The following RTL4 variants were observed in gnomAD, a reference collection of about 807,000 sequenced individuals.
RTL4 encodes the protein retrotransposon Gag like 4, also known as retrotransposon Gag-like protein 4.
A neutral mutation model predicts 5.3 loss-of-function variants in RTL4; 4 were observed. That is an observed-to-expected ratio of 0.75 (90% confidence interval 0.37 to 1.72). RTL4 has a LOEUF of 1.72. Among genes scored for constraint, RTL4 ranks in the 40% most tolerant of loss-of-function variants. The pLI is 0.04. For missense variants in RTL4, 260 were observed against 227.1 expected, an observed-to-expected ratio of 1.14 and a Z score of -0.93; for synonymous variants, 98 against 87.3, an observed-to-expected ratio of 1.12 and a Z score of -0.68.
the RTL4 span, among the ~76,000 whole-genome samples, chrX:112,149,463 C>G: frequency 9.0e-6 from 1 of 110,890 alleles, no homozygotes. Context: ...GAGTAAAAGG[C>G]TGAAGGACAC....
the RTL4 span, among the ~76,000 whole-genome samples, chrX:112,231,615 A>C: frequency 9.4e-6 from 1 of 105,962 alleles, no homozygotes; most frequent in African/African-American, 3.4e-5. Context: ...AGATATACCT[A>C]CTGCTAAATG....
the RTL4 span, among the ~76,000 whole-genome samples, chrX:112,189,525 G>A: frequency 1.4e-4 from 15 of 111,053 alleles, no homozygotes; most frequent in African/African-American, 4.6e-4. Flanking sequence ...AGCTTTGGGA[G>A]GCCGAGGCAG....
the RTL4 span, among the ~76,000 whole-genome samples, chrX:112,152,058 T>C: frequency 2.7e-5 from 3 of 111,819 alleles, no homozygotes; most frequent in Admixed American, 9.5e-5. Flanking sequence ...AGGATAACGT[T>C]ATGATAACTT....
At chrX:112,201,327 C>A in the RTL4 span, among the ~76,000 whole-genome samples, 1 of 111,115 alleles carries the variant, frequency 9.0e-6, no homozygotes, top group Admixed American at 9.5e-5. Context: ...GGACACAAAG[C>A]CTAACCTTTT....
chrX:112,236,555 A>AATATAT, the RTL4 span, among the ~76,000 whole-genome samples: 4 of 99,763 alleles, frequency 4.0e-5, no homozygotes, highest in African/African-American at 1.5e-4. Context: ...AGTTTGAATG[A>AATATAT]ATATATATAT....
At chrX:112,413,835 TAA>T in the RTL4 span, among the ~76,000 whole-genome samples, 1 of 110,550 alleles carries the variant, frequency 9.0e-6, no homozygotes, top group Non-Finnish European at 1.9e-5. Flanking sequence ...TTTAAATAAC[TAA>T]AAGAGTAGAA....
At chrX:112,158,652 A>G in the RTL4 span, among the ~76,000 whole-genome samples, 1 of 111,218 alleles carries the variant, frequency 9.0e-6, no homozygotes, top group Non-Finnish European at 1.9e-5. Context: ...TGCCTCTATA[A>G]CATTTTCAAT....
At chrX:112,308,522 G>A in the RTL4 span, among the ~76,000 whole-genome samples, 1 of 111,477 alleles carries the variant, frequency 9.0e-6, no homozygotes, top group Middle Eastern at 4.6e-3. Flanking sequence ...TAAAAGGATG[G>A]TAGTCAGGGA....
At chrX:112,135,800 A>C in the RTL4 span, among the ~76,000 whole-genome samples, 2 of 109,510 alleles carry the variant, frequency 1.8e-5, no homozygotes, top group East Asian at 5.6e-4. Context: ...ACTCTTTGCC[A>C]AAAATTAATT....
At chrX:112,142,275 G>A in the RTL4 span, among the ~76,000 whole-genome samples, 3 of 112,580 alleles carry the variant, frequency 2.7e-5, no homozygotes, top group East Asian at 8.4e-4. Context: ...AGCAGAGAAG[G>A]ATAGGGCAGA....
At chrX:112,374,687 A>T in the RTL4 span, among the ~76,000 whole-genome samples, 10 of 112,184 alleles carry the variant, frequency 8.9e-5, no homozygotes, top group African/African-American at 3.2e-4. Flanking sequence ...TTTTCTGTGT[A>T]GACACCTTGC....
chrX:112,129,592 A>G, the RTL4 span, among the ~76,000 whole-genome samples: 1,383 of 112,345 alleles, frequency 0.012, 23 homozygotes, highest in African/African-American at 0.042. Flanking sequence ...CTTTGAAGTC[A>G]TGAACAATGC....
At chrX:112,428,324 T>C in the RTL4 span, among the ~76,000 whole-genome samples, 1 of 112,094 alleles carries the variant, frequency 8.9e-6, no homozygotes, top group Non-Finnish European at 1.9e-5. Context: ...GTTCTATTTT[T>C]AGTTCTTTAA....
At chrX:112,275,262 C>G in the RTL4 span, among the ~76,000 whole-genome samples, 1 of 108,826 alleles carries the variant, frequency 9.2e-6, no homozygotes, top group Non-Finnish European at 1.9e-5. Context: ...TATTCACATG[C>G]GAGAACTAGC....
the RTL4 span, among the ~76,000 whole-genome samples, chrX:112,216,424 G>A: frequency 8.9e-6 from 1 of 111,765 alleles, no homozygotes; most frequent in Admixed American, 9.5e-5. Flanking sequence ...AGTTGTCATA[G>A]CCATAAACCC....
the RTL4 span, among the ~76,000 whole-genome samples, chrX:112,140,835 A>G: frequency 0.03 from 3,320 of 112,133 alleles, 127 homozygotes; most frequent in African/African-American, 0.1. Context: ...TTTGTGTTAT[A>G]CATTTCTATG....
chrX:112,448,566 T>C, the RTL4 span, among the ~76,000 whole-genome samples: 1 of 111,680 alleles, frequency 9.0e-6, no homozygotes, highest in East Asian at 2.8e-4. Flanking sequence ...ATGCTCCCTC[T>C]TCTCTGATTC....
the RTL4 span, among the ~76,000 whole-genome samples, chrX:112,227,014 T>TAAA: frequency 7.3e-5 from 6 of 81,800 alleles, no homozygotes; most frequent in African/African-American, 3.3e-4. Flanking sequence ...TAAAATAAAA[T>TAAA]ATAAAATAAA....
chrX:112,211,019 A>G, the RTL4 span, among the ~76,000 whole-genome samples: 2 of 112,496 alleles, frequency 1.8e-5, no homozygotes, highest in Admixed American at 1.9e-4. Context: ...AACTCTGTAT[A>G]AAAGAATAGT....
Sources: allele counts gnomAD v4.1 joint callset (sites outside exome capture counted in the v4.1 genomes callset), GRCh38; gene constraint gnomAD v4.1.1; transcripts MANE v1.5; gene names NCBI Gene and HGNC (gene_info 2026-07-23, HGNC 2026-07-21).